Variants in TK1 observed in about 807,000 individuals in gnomAD.
The protein encoded by TK1 is thymidine kinase, cytosolic.
TK1 carries 13 observed loss-of-function variants against 22.4 expected under a neutral mutation model. The observed-to-expected ratio is 0.58, with a 90% CI of 0.38 to 0.92. The LOEUF is 0.92. Among genes scored for constraint, TK1 ranks in the 40% least tolerant of loss-of-function variants. TK1 has a pLI of 0.00. For synonymous variants in TK1, 134 were observed against 125.4 expected (o/e 1.07, Z -0.46); for missense variants, 251 against 315.7 (o/e 0.80, Z 1.55).
At chr17:78,182,298 C>T (rs907284383) in intron 4 of TK1, among the ~76,000 whole-genome samples, 4 of 151,300 alleles carry the variant, frequency 2.6e-5, no homozygotes, top group African/African-American at 7.3e-5. Flanking sequence ...ATTGCTTGAA[C>T]CCAGGAAGCA....
At position 78,182,678 on chromosome 17, in the gene TK1, T is replaced by A. The variant is rs1303780005; in HGVS notation, c.214A>T (p.Thr72Ser). 4.4e-6 allele frequency: 7 copies of A among 1,574,368 alleles called. No homozygotes were observed. The South Asian group carries it at 8.1e-5, about 18-fold the overall frequency. ...AGGCAGGCGGGCAGTGCCTCCATGG[T>A]GTTCCTGGGAAGAGAAAGCCAGAGC... Reference protein sequence around the residue: ...SSSFCTHDRNTMEALPACLLR... With the variant: ...SSSFCTHDRNSMEALPACLLR... The change falls in exon 4 of 7, where the codon ACC (threonine) becomes TCC (serine). Residue 72 changes from threonine to serine, a missense_variant. Transcript: ENST00000301634.
At chr17:78,179,840 C>G in intron 4 of TK1, 1 of 757,960 alleles carries the variant, frequency 1.3e-6, no homozygotes. Flanking sequence ...GAGGCTGAGG[C>G]AGGCAGATCA....
At position 78,175,235 on chromosome 17, in the gene TK1, C is replaced by A. The variant is rs550341229; in HGVS notation, c.394-66G>T. 470 of 1,442,916 alleles carry A rather than the reference C, an allele frequency of 3.3e-4. 35 individuals are homozygous for A. In the South Asian group the frequency reaches 5.3e-3, roughly 16 times the overall value. 89.4% of individuals were successfully genotyped at this position (1,442,916 alleles called of 1,614,324 possible). A position where few individuals can be genotyped will look rare whatever the true frequency, so the allele number is the denominator to read the frequency against. ...ACCAGGTGGGTTTTTCTTTTAAACC[C>A]TCTGATTCACAAGCACTGAAGCCAG... On this transcript the variant is annotated intron_variant, in intron 5 of 6. Coordinates refer to ENST00000301634, the MANE Select transcript of TK1 (RefSeq NM_003258.5).
At chr17:78,179,525 T>C (rs1412624307) in intron 4 of TK1, 15 of 985,264 alleles carry the variant, frequency 1.5e-5, no homozygotes, top group Non-Finnish European at 1.8e-5. Context: ...ACAGGGCAGA[T>C]GCCCCGCACA....
At chr17:78,180,700 C>T (rs535789506) in intron 4 of TK1, among the ~76,000 whole-genome samples, 10 of 152,312 alleles carry the variant, frequency 6.6e-5, no homozygotes, top group African/African-American at 2.4e-4. Flanking sequence ...TGAAACAAAA[C>T]ACACTCTGGA....
At chr17:78,186,716 A>AGGGGG (rs2145833112) in intron 2 of TK1, 71 bp downstream of exon 2, 2 of 1,080,658 alleles carry the variant, frequency 1.9e-6, no homozygotes, top group African/African-American at 3.5e-5. Flanking sequence ...AGGGAAGGGG[A>AGGGGG]GGGGAGGGAC....
rs370688626 is a variant in TK1 at position 78,179,386 on chromosome 17, C to T, written c.303+3203G>A. On this transcript the variant is annotated intron_variant, in intron 4 of 6. Coordinates refer to ENST00000301634, the MANE Select transcript of TK1 (RefSeq NM_003258.5). ...AGCAACAACGACGTCTCCACGTACGCAGAGGCATGGGGGTGCTCAGGGGCG... is the reference window on the plus strand; with the variant it reads ...AGCAACAACGACGTCTCCACGTACGTAGAGGCATGGGGGTGCTCAGGGGCG... 47 of 985,354 alleles carry T rather than the reference C, an allele frequency of 4.8e-5. No individual in the cohort carries two copies. In the African/African-American group the frequency reaches 6.8e-4, roughly 14 times the overall value. The allele number at this position is 985,354 out of a possible 1,614,324, so 61.0% of individuals were successfully genotyped here. A position where few individuals can be genotyped will look rare whatever the true frequency, so the allele number is the denominator to read the frequency against.
chr17:78,186,890 C>T, intron 1 of TK1, 39 bp downstream of exon 1: 2 of 1,565,234 alleles, frequency 1.3e-6, no homozygotes, highest in East Asian at 4.8e-5. Context: ...TCACCACGAC[C>T]ACCTCATCCC....
rs1476564314 is a variant in TK1, at chr17:78,174,687, C to T, written c.*72G>A. ...GCCTCCCGACTTCCTCCTGGAGTGG[C>T]TGGGCAGCATGCAGGGCAGCGTCCA... On this transcript the variant is annotated 3_prime_UTR_variant, in exon 7 of 7. Coordinates refer to ENST00000301634, the MANE Select transcript of TK1 (RefSeq NM_003258.5). 6.1e-6 allele frequency: 9 copies of T among 1,478,680 alleles called. No individual in the cohort carries two copies. In the East Asian group the frequency reaches 2.2e-4, roughly 36 times the overall value. 91.6% of individuals were successfully genotyped at this position (1,478,680 alleles called of 1,614,324 possible). A position where few individuals can be genotyped will look rare whatever the true frequency, so the allele number is the denominator to read the frequency against.
At chr17:78,177,571 G>A (rs909837714) in intron 4 of TK1, among the ~76,000 whole-genome samples, 52 of 145,580 alleles carry the variant, frequency 3.6e-4, no homozygotes, top group Admixed American at 3.0e-3. Flanking sequence ...ACACAAAAAG[G>A]TCTATTTTTT....
intron 4 of TK1, chr17:78,179,529 C>G: frequency 1.0e-6 from 1 of 985,406 alleles, no homozygotes; most frequent in South Asian, 4.7e-5. Flanking sequence ...GGCAGATGCC[C>G]CGCACAGGGG....
intron 2 of TK1, among the ~76,000 whole-genome samples, chr17:78,186,134 G>GGGA (rs1202253962): frequency 2.6e-5 from 4 of 151,886 alleles, no homozygotes; most frequent in African/African-American, 9.7e-5. Context: ...GAGGCGGGGG[G>GGGA]GTGCACGCCT....
chr17:78,178,274 C>T (rs2075715112), intron 4 of TK1, among the ~76,000 whole-genome samples: 1 of 152,232 alleles, frequency 6.6e-6, no homozygotes. Flanking sequence ...TGCCCACCCA[C>T]CACCAGCATC....
chr17:78,184,935 T>C lies in TK1; in HGVS notation c.209+120A>G. On this transcript the variant is annotated intron_variant, in intron 3 of 6. Coordinates refer to ENST00000301634, the MANE Select transcript of TK1 (RefSeq NM_003258.5). ...ACCTTGCCAAGCACCTTGGAAAGTGTGCTGATTTGAATCATTCAATGTTCA... is the reference window on the plus strand; with the variant it reads ...ACCTTGCCAAGCACCTTGGAAAGTGCGCTGATTTGAATCATTCAATGTTCA... 3 of 784,076 alleles carry C rather than the reference T, an allele frequency of 3.8e-6. No individual in the cohort carries two copies. In the South Asian group the frequency reaches 5.4e-5, roughly 14 times the overall value. 48.6% of individuals were successfully genotyped at this position (784,076 alleles called of 1,614,324 possible). A position where few individuals can be genotyped will look rare whatever the true frequency, so the allele number is the denominator to read the frequency against.
At chr17:78,179,091 T>C in intron 4 of TK1, 1 of 917,448 alleles carries the variant, frequency 1.1e-6, no homozygotes, top group East Asian at 1.2e-4. Context: ...GAAAGGTTTC[T>C]GCCTCGGGGG....
intron 2 of TK1, 92 bp downstream of exon 2, chr17:78,186,685 AAGGGGAGGGG>A (rs748360300): frequency 2.0e-5 from 17 of 843,736 alleles, no homozygotes; most frequent in Middle Eastern, 3.8e-4. Flanking sequence ...GAGGGAAGGG[AAGGGGAGGGG>A]AGGGGAGGGG....
chr17:78,177,322 G>A (rs527814741), intron 4 of TK1, among the ~76,000 whole-genome samples: 1 of 152,246 alleles, frequency 6.6e-6, no homozygotes, highest in Non-Finnish European at 1.5e-5. Flanking sequence ...ACAGGTCACA[G>A]TCAAAAACTG....
In TK1 at chr17:78,175,259, A is replaced by G; in HGVS notation, c.394-90T>C. 1.4e-6 allele frequency: 2 copies of G among 1,453,572 alleles called. 1 individual carries two copies. The highest frequency in any genetic ancestry group is 3.0e-5 in the African/African-American group (2 of 66,718). The allele number at this position is 1,453,572 out of a possible 1,614,324, so 90.0% of individuals were successfully genotyped here. A position where few individuals can be genotyped will look rare whatever the true frequency, so the allele number is the denominator to read the frequency against. On this transcript the variant is annotated intron_variant, in intron 5 of 6. Transcript: ENST00000301634. Reference sequence around the variant, plus strand: ...CCTCTGATTCACAAGCACTGAAGCCAGGAGAGTTTGCTCTGACCTTAGTCC... The same window carrying G: ...CCTCTGATTCACAAGCACTGAAGCCGGGAGAGTTTGCTCTGACCTTAGTCC...
chr17:78,186,498 C>G (rs1388323801), intron 2 of TK1, among the ~76,000 whole-genome samples: 1 of 152,046 alleles, frequency 6.6e-6, no homozygotes, highest in African/African-American at 2.4e-5. Flanking sequence ...GTGGGGAAGA[C>G]AGCTAAGCTG....
Sources: allele counts gnomAD v4.1 joint callset (sites outside exome capture counted in the v4.1 genomes callset), GRCh38; gene constraint gnomAD v4.1.1; transcripts MANE v1.5; gene names NCBI Gene and HGNC (gene_info 2026-07-23, HGNC 2026-07-21).